The following TMEM236 variants were observed in gnomAD, a reference collection of about 807,000 sequenced individuals.
The protein encoded by TMEM236 is transmembrane protein 236.
In TMEM236, 11 loss-of-function variants were observed where a neutral mutation model predicts 14.7. That is an observed-to-expected ratio of 0.75 (90% CI 0.47 to 1.24). The LOEUF (loss-of-function observed/expected upper bound fraction) is 1.24, where lower values mean the gene tolerates loss of function less well. Among genes scored for constraint, TMEM236 ranks in the 50% most tolerant of loss-of-function variants. TMEM236 has a pLI of 0.00. For synonymous variants in TMEM236, 182 were observed against 168.6 expected (o/e 1.08, Z -0.62); for missense variants, 464 against 427.3 (o/e 1.09, Z -0.76).
In TMEM236 at chr10:17,778,079, A is replaced by T. The variant is rs986099557; in HGVS notation, c.472+1909A>T. 1.7e-3 allele frequency among the ~76,000 whole-genome samples: 260 copies of T among 152,268 alleles called. 1 individual carries two copies. Among genetic ancestry groups the T allele is most frequent in the African/African-American group, 6.0e-3 (251 of 41,568 alleles). On this transcript the variant is annotated intron_variant, in intron 3 of 3. Coordinates refer to ENST00000377495, the MANE Select transcript of TMEM236 (RefSeq NM_001098844.3). ...AAAGGGGAATTTCCTTGCATCCATA[A>T]CTTCAATAATGACACTGAGAATTGA...
intron 3 of TMEM236, among the ~76,000 whole-genome samples, chr10:17,784,365 T>A (rs1484536025): frequency 6.6e-6 from 1 of 152,204 alleles, no homozygotes; most frequent in Non-Finnish European, 1.5e-5. Context: ...GTTTCCAACA[T>A]ATAAAAAAGC....
Position 17,796,677 on chromosome 10 carries a change from T to C in TMEM236, c.*173T>C, listed in dbSNP as rs1838021090. The C allele has an allele frequency of 1.1e-5, 7 of 622,248 alleles. No individual in the cohort carries two copies. The Admixed American group carries it at 1.5e-4, about 13-fold the overall frequency. The allele number at this position is 622,248 out of a possible 1,614,324, so 38.5% of individuals were successfully genotyped here. A position where few individuals can be genotyped will look rare whatever the true frequency, so the allele number is the denominator to read the frequency against. Reference sequence around the variant, plus strand: ...CAGTTTTTTTTTTTACATATACAAATGGTGCTAAATTTAAGTAAAGTAATA... The same window carrying C: ...CAGTTTTTTTTTTTACATATACAAACGGTGCTAAATTTAAGTAAAGTAATA... On this transcript the variant is annotated 3_prime_UTR_variant, in exon 4 of 4. Transcript: ENST00000377495.
rs1005702323 is a variant in TMEM236, at chr10:17,786,591, C to T, written c.473-9330C>T. Among the ~76,000 whole-genome samples, 531 of 152,274 alleles carry T rather than the reference C, an allele frequency of 3.5e-3. 17 individuals carry two copies. The highest frequency in any genetic ancestry group is 0.026 in the Admixed American group (395 of 15,294). On this transcript the variant is annotated intron_variant, in intron 3 of 3. Coordinates refer to ENST00000377495, the MANE Select transcript of TMEM236 (RefSeq NM_001098844.3). The stretch of plus-strand genomic sequence containing the variant: ...AGTAAGGTCCTATCTAGAAGAACAC[C>T]GCTTTTCTCATGTTCTGCTTCCACT...
At position 17,795,947 on chromosome 10, in the gene TMEM236, A is replaced by G; in HGVS notation, c.499A>G (p.Thr167Ala). 6 of 1,613,954 alleles carry G rather than the reference A, an allele frequency of 3.7e-6. No individual in the cohort carries two copies. In the South Asian group the frequency reaches 4.4e-5, roughly 12 times the overall value. ...TAGTGAAAATGGACACATCCATTCA[A>G]CCTCTTTGCAACACATAAAAACTGT... is the stretch of plus-strand genomic sequence containing the variant. ...KSSENGHIHS[T>A]SLQHIKTVTE... Residue 167 changes from threonine (T) to alanine (A), a missense_variant, in exon 4 of 4, where the codon ACC becomes GCC. Physicochemically the swap from Thr to Ala is moderately conservative, Grantham distance 58. Coordinates refer to ENST00000377495, the MANE Select transcript of TMEM236 (RefSeq NM_001098844.3).
chr10:17,756,371 C>T (rs1837284530), intron 1 of TMEM236, among the ~76,000 whole-genome samples: 1 of 152,026 alleles, frequency 6.6e-6, no homozygotes, highest in Non-Finnish European at 1.5e-5. Context: ...ATCTAGGCTC[C>T]CTGTACCTCT....
At position 17,796,255 on chromosome 10, in the gene TMEM236, C is replaced by T; in HGVS notation, c.807C>T (p.Val269=). Residue 269 remains valine (V), a synonymous_variant, in exon 4 of 4, where the codon GTC becomes GTT. Transcript: ENST00000377495. ...NVYKSSWLYP[V]YIFSFISLLR... is the part of the protein sequence containing the mutation. ...ACAAGTCAAGCTGGCTATACCCAGT[C>T]TACATATTCAGTTTTATTTCTCTCC... is the stretch of plus-strand genomic sequence containing the variant. 2 of 1,613,956 alleles carry T rather than the reference C, an allele frequency of 1.2e-6. No individual in the cohort carries two copies. The highest frequency in any genetic ancestry group is 8.5e-7 in the Non-Finnish European group (1 of 1,179,868).
At chr10:17,754,923 G>GTTTT (rs1372050590) in intron 1 of TMEM236, among the ~76,000 whole-genome samples, 4 of 85,536 alleles carry the variant, frequency 4.7e-5, no homozygotes, top group African/African-American at 1.1e-4. Flanking sequence ...TCATACTGAT[G>GTTTT]TTTTATTTAT....
intron 1 of TMEM236, 103 bp downstream of exon 1, chr10:17,752,655 C>G: frequency 8.6e-7 from 1 of 1,169,498 alleles, no homozygotes; most frequent in South Asian, 1.3e-5. Flanking sequence ...CAACGTCCGC[C>G]TCCTGGGTTC....
chr10:17,799,880 T>C lies in TMEM236; in HGVS notation c.*3376T>C, dbSNP rs1838069359. 1 of 152,608 alleles carries C rather than the reference T, an allele frequency of 6.6e-6. No homozygotes were observed. Among genetic ancestry groups the C allele is most frequent in the African/African-American group, 2.4e-5 (1 of 41,454 alleles). The allele number at this position is 152,608 out of a possible 1,614,324, so 9.5% of individuals were successfully genotyped here. ...TAATGAAGGCATGTACAGAAGATTA[T>C]GTGTAGGAGGAAAATTGAGTAGCTA... On this transcript the variant is annotated 3_prime_UTR_variant, in exon 4 of 4. Coordinates refer to ENST00000377495, the MANE Select transcript of TMEM236 (RefSeq NM_001098844.3).
chr10:17,776,517 G>C (rs1837660561), intron 3 of TMEM236, among the ~76,000 whole-genome samples: 1 of 152,126 alleles, frequency 6.6e-6, no homozygotes, highest in Non-Finnish European at 1.5e-5. Context: ...TGTTTAAATG[G>C]ATTAATAAAA....
chr10:17,760,617 C>T (rs1837348182), intron 1 of TMEM236, among the ~76,000 whole-genome samples: 1 of 152,150 alleles, frequency 6.6e-6, no homozygotes, highest in South Asian at 2.1e-4. Context: ...TGACTGCAGG[C>T]TTTATCTTCC....
rs994727295 is a variant in TMEM236 at position 17,798,560 on chromosome 10, C to T, written c.*2056C>T. 4,143 of 534,334 alleles carry T rather than the reference C, an allele frequency of 7.8e-3. 34 individuals are homozygous for T. Among genetic ancestry groups the T allele is most frequent in the South Asian group, 0.015 (1,091 of 71,564 alleles). 33.1% of individuals were successfully genotyped at this position (534,334 alleles called of 1,614,324 possible). On this transcript the variant is annotated 3_prime_UTR_variant, in exon 4 of 4. Coordinates refer to ENST00000377495, the MANE Select transcript of TMEM236 (RefSeq NM_001098844.3). ...CTAAAAAAAATAAAAGAGAATTTGA[C>T]GTTGTGTTATTCTACGCTCCACCAA...
chr10:17,783,501 C>T (rs1008039883), intron 3 of TMEM236, among the ~76,000 whole-genome samples: 75,333 of 151,958 alleles, frequency 0.5, 19,447 homozygotes, highest in Middle Eastern at 0.7. Flanking sequence ...AATCTGCTCC[C>T]AATGGCCCTC....
chr10:17,766,267 T>C lies in TMEM236; in HGVS notation c.258-5042T>C, dbSNP rs949682297. Reference sequence around the variant, plus strand: ...ATCCTCGGTTAAATATCTCAGTTCATTACTTACAAGTTCTACTTTCTATCC... The same window carrying C: ...ATCCTCGGTTAAATATCTCAGTTCACTACTTACAAGTTCTACTTTCTATCC... On this transcript the variant is annotated intron_variant, in intron 1 of 3. Transcript: ENST00000377495. Among the ~76,000 whole-genome samples, 873 of 152,338 alleles carry C rather than the reference T, an allele frequency of 5.7e-3. 5 individuals are homozygous for C. The highest frequency in any genetic ancestry group is 0.02 in the African/African-American group (829 of 41,580).
chr10:17,764,856 G>A (rs1361720864), intron 1 of TMEM236, among the ~76,000 whole-genome samples: 9 of 37,506 alleles, frequency 2.4e-4, no homozygotes, highest in Non-Finnish European at 5.6e-4. Context: ...TTTTTGAGAC[G>A]GGGTCTCATT....
At chr10:17,775,892 A>G in intron 2 of TMEM236, 137 bp from the exon 3 acceptor site, 2 of 1,061,180 alleles carry the variant, frequency 1.9e-6, no homozygotes, top group Non-Finnish European at 1.4e-6. Flanking sequence ...TTAAAACCTG[A>G]TGAGTTAAAA....
chr10:17,773,909 T>A (rs1837615127), intron 2 of TMEM236, among the ~76,000 whole-genome samples: 1 of 152,268 alleles, frequency 6.6e-6, no homozygotes, highest in African/African-American at 2.4e-5. Context: ...AGTTCTTAAC[T>A]TAAAAATAGT....
At chr10:17,765,786 G>A (rs1352642741) in intron 1 of TMEM236, among the ~76,000 whole-genome samples, 1 of 152,190 alleles carries the variant, frequency 6.6e-6, no homozygotes, top group African/African-American at 2.4e-5. Flanking sequence ...CATGGTCATA[G>A]CTCTGCCCTG....
Position 17,786,373 on chromosome 10 carries a change from T to C in TMEM236, c.473-9548T>C, listed in dbSNP as rs905155555. On this transcript the variant is annotated intron_variant, in intron 3 of 3. Coordinates refer to ENST00000377495, the MANE Select transcript of TMEM236 (RefSeq NM_001098844.3). ...GTGGATGTTCTTTTTCTCTTCTGTT[T>C]TTTGAGACAATGTCTCATTCTGTTG... is the stretch of plus-strand genomic sequence containing the variant. Among the ~76,000 whole-genome samples, 38 of 152,320 alleles carry C rather than the reference T, an allele frequency of 2.5e-4. No individual in the cohort carries two copies. The East Asian group carries it at 7.3e-3, about 29-fold the overall frequency.
Sources: gnomAD v4.1 joint callset for allele counts (sites outside exome capture counted in the v4.1 genomes callset) on GRCh38, gnomAD v4.1.1 for gene constraint, MANE v1.5 for transcripts, NCBI Gene and HGNC (gene_info 2026-07-23, HGNC 2026-07-21) for gene names.